TTC28: variants seen among roughly 807,000 people sequenced by gnomAD.
The protein encoded by TTC28 is tetratricopeptide repeat domain 28.
In TTC28, 61 loss-of-function variants were observed where a neutral mutation model predicts 198.0. That is an observed-to-expected ratio of 0.31 (90% confidence interval 0.25 to 0.38). TTC28 has a LOEUF of 0.38. Ranked by LOEUF, TTC28 falls within the 10% of genes least tolerant of loss-of-function variation. The pLI is 1.00. For missense variants in TTC28, 2,678 were observed against 3,164.0 expected, an observed-to-expected ratio of 0.85 and a Z score of 3.69; for synonymous variants, 1,171 against 1,297.8, an observed-to-expected ratio of 0.90 and a Z score of 2.10.
At chr22:28,311,991 C>G (rs1385889203) in intron 2 of TTC28, among the ~76,000 whole-genome samples, 1 of 128,116 alleles carries the variant, frequency 7.8e-6, no homozygotes, top group South Asian at 2.5e-4. Context: ...TACACAGGCT[C>G]AAAAGAAAGG....
chr22:28,588,141 CA>C (rs59061860), intron 2 of TTC28, among the ~76,000 whole-genome samples: 7 of 138,852 alleles, frequency 5.0e-5, no homozygotes, highest in South Asian at 2.2e-4. Context: ...GACTCCGTCT[CA>C]AAAAAAAAAA....
At chr22:28,318,838 G>A (rs1168095917) in intron 2 of TTC28, among the ~76,000 whole-genome samples, 1 of 63,258 alleles carries the variant, frequency 1.6e-5, no homozygotes, top group Non-Finnish European at 2.8e-5. Context: ...TTTTTTTTTT[G>A]GACAGAGTCT....
rs558043542 is a variant in TTC28 at position 28,207,804 on chromosome 22, T to C, written c.934-44205A>G. ...GTAGAGGATCCAGGAGAGCCCCATG[T>C]TTATAAACATGTACTTAAATGAATC... is the stretch of plus-strand genomic sequence containing the variant. On this transcript the variant is annotated intron_variant, in intron 5 of 22. Coordinates refer to ENST00000397906, the MANE Select transcript of TTC28 (RefSeq NM_001145418.2). Among the ~76,000 whole-genome samples, 336 of 152,178 alleles carry C rather than the reference T, an allele frequency of 2.2e-3. 4 individuals carry two copies. The highest frequency in any genetic ancestry group is 7.7e-3 in the African/African-American group (319 of 41,532).
In TTC28 at chr22:28,579,670, C is replaced by A. The variant is rs541448914; in HGVS notation, c.381+49882G>T. Among the ~76,000 whole-genome samples the A allele has an allele frequency of 6.0e-3, 880 of 146,462 alleles. 9 individuals carry two copies. The highest frequency in any genetic ancestry group is 7.8e-3 in the Non-Finnish European group (521 of 66,398). ...TGTATAAATACACATATATACACAC[C>A]CAAAAAAAACCGAAGGGCTGAGCAC... is the stretch of plus-strand genomic sequence containing the variant. On this transcript the variant is annotated intron_variant, in intron 2 of 22. Transcript: ENST00000397906.
At chr22:28,115,253 C>T (rs748568419) in intron 6 of TTC28, among the ~76,000 whole-genome samples, 1 of 152,080 alleles carries the variant, frequency 6.6e-6, no homozygotes, top group South Asian at 2.1e-4. Flanking sequence ...CATGACCTCC[C>T]GGGCTCAAGT....
chr22:28,172,650 T>C (rs1199338696), intron 5 of TTC28, among the ~76,000 whole-genome samples: 1 of 152,192 alleles, frequency 6.6e-6, no homozygotes, highest in Non-Finnish European at 1.5e-5. Flanking sequence ...GAAAGACTAT[T>C]ACATTGGCTC....
At chr22:28,213,880 T>C (rs1371939087) in intron 5 of TTC28, among the ~76,000 whole-genome samples, 1 of 152,092 alleles carries the variant, frequency 6.6e-6, no homozygotes, top group East Asian at 1.9e-4. Context: ...CTTCAAACTA[T>C]AGTACAAGGC....
At chr22:28,425,537 T>C (rs2047337243) in intron 2 of TTC28, among the ~76,000 whole-genome samples, 1 of 152,224 alleles carries the variant, frequency 6.6e-6, no homozygotes, top group Non-Finnish European at 1.5e-5. Flanking sequence ...TACTCATCAG[T>C]ACCCTCTCTG....
At chr22:28,484,450 C>T (rs2048292725) in intron 2 of TTC28, among the ~76,000 whole-genome samples, 1 of 152,084 alleles carries the variant, frequency 6.6e-6, no homozygotes, top group South Asian at 2.1e-4. Context: ...TCCATCACTT[C>T]AGAATGTCAA....
At chr22:28,268,086 T>TG (rs1266082850) in intron 5 of TTC28, among the ~76,000 whole-genome samples, 2 of 152,128 alleles carry the variant, frequency 1.3e-5, no homozygotes, top group African/African-American at 4.8e-5. Flanking sequence ...TAAAAGCAAA[T>TG]GGAGGATATG....
rs1275750287 is a variant in TTC28 at position 28,639,045 on chromosome 22, TC to T, written c.103-9216del. Among the ~76,000 whole-genome samples, 3 of 152,218 alleles carry T rather than the reference TC, an allele frequency of 2.0e-5. No individual in the cohort carries two copies. The East Asian group carries it at 5.8e-4, about 29-fold the overall frequency. On this transcript the variant is annotated intron_variant, in intron 1 of 22. Coordinates refer to ENST00000397906, the MANE Select transcript of TTC28 (RefSeq NM_001145418.2). The stretch of plus-strand genomic sequence containing the variant: ...CATAACCTTTCAATTCTAGAAATTT[TC>T]TCCACTTCTGGTAATTTATCTTATA...
chr22:28,171,094 C>T (rs1922631430), intron 5 of TTC28, among the ~76,000 whole-genome samples: 1 of 150,530 alleles, frequency 6.6e-6, no homozygotes, highest in African/African-American at 2.4e-5. Context: ...AAAGGGACAA[C>T]AAAAATACAG....
At chr22:28,208,366 T>C (rs982958089) in intron 5 of TTC28, among the ~76,000 whole-genome samples, 1 of 152,068 alleles carries the variant, frequency 6.6e-6, no homozygotes, top group Non-Finnish European at 1.5e-5. Context: ...TAAAAGAACA[T>C]AAATGGCAGA....
chr22:28,552,453 A>T (rs924491098), intron 2 of TTC28, among the ~76,000 whole-genome samples: 11 of 152,134 alleles, frequency 7.2e-5, no homozygotes, highest in Non-Finnish European at 4.4e-5. Context: ...CAAATCTAGA[A>T]GTATCACATT....
intron 12 of TTC28, among the ~76,000 whole-genome samples, chr22:28,060,155 T>C (rs1451020134): frequency 6.6e-6 from 1 of 152,306 alleles, no homozygotes; most frequent in East Asian, 1.9e-4. Flanking sequence ...TGTGCAGGTT[T>C]GTTACACATG....
At chr22:28,015,419 TAAAAA>T in intron 13 of TTC28, among the ~76,000 whole-genome samples, 1 of 109,686 alleles carries the variant, frequency 9.1e-6, no homozygotes, top group East Asian at 2.6e-4. Flanking sequence ...GAGATAGCTT[TAAAAA>T]AAAAAAAAAA....
chr22:28,636,346 C>T (rs1300875409), intron 1 of TTC28, among the ~76,000 whole-genome samples: 2 of 151,842 alleles, frequency 1.3e-5, no homozygotes, highest in South Asian at 2.1e-4. Flanking sequence ...AGGATGGTCT[C>T]GATCTCCTGA....
intron 5 of TTC28, among the ~76,000 whole-genome samples, chr22:28,198,372 TACAA>T (rs1220623618): frequency 2.3e-4 from 35 of 152,086 alleles, no homozygotes; most frequent in Admixed American, 2.2e-3. Flanking sequence ...TTGCTTTTTA[TACAA>T]ACAAAGTAAT....
At chr22:28,039,199 T>TG (rs1159770799) in intron 12 of TTC28, among the ~76,000 whole-genome samples, 3 of 152,158 alleles carry the variant, frequency 2.0e-5, no homozygotes, top group Admixed American at 1.3e-4. Context: ...TAAAACATGC[T>TG]GCTATGAAGA....
Sources: gnomAD v4.1 joint callset for allele counts (sites outside exome capture counted in the v4.1 genomes callset) on GRCh38, gnomAD v4.1.1 for gene constraint, MANE v1.5 for transcripts, NCBI Gene and HGNC (gene_info 2026-07-23, HGNC 2026-07-21) for gene names.